The following ANXA11 variants were observed in gnomAD, a reference collection of about 807,000 sequenced individuals.
ANXA11 encodes annexin A11.
In ANXA11, 57 loss-of-function variants were observed where a neutral mutation model predicts 64.7. That is an observed-to-expected ratio of 0.88 (90% CI 0.71 to 1.10). The LOEUF (loss-of-function observed/expected upper bound fraction) is 1.10. Among genes scored for constraint, ANXA11 ranks in the 50% least tolerant of loss-of-function variants. ANXA11 has a pLI of 0.00. For missense variants in ANXA11, 675 were observed against 670.7 expected (o/e 1.01, Z -0.07); for synonymous variants, 260 against 265.2 (o/e 0.98, Z 0.19).
chr10:80,166,325 C>A (rs1845739641), intron 7 of ANXA11, 128 bp from the exon 8 acceptor site: 3 of 609,592 alleles, frequency 4.9e-6, no homozygotes, highest in Admixed American at 2.9e-5. Context: ...CCCCCAGGGG[C>A]CTGAGAGAAA....
chr10:80,174,171 C>T (rs1846082238), intron 2 of ANXA11, among the ~76,000 whole-genome samples: 1 of 152,212 alleles, frequency 6.6e-6, no homozygotes, highest in African/African-American at 2.4e-5. Context: ...CCTCCCGCCT[C>T]AGCCTCCTAA....
At chr10:80,178,489 C>T (rs1846249946) in intron 1 of ANXA11, among the ~76,000 whole-genome samples, 1 of 152,230 alleles carries the variant, frequency 6.6e-6, no homozygotes, top group Non-Finnish European at 1.5e-5. Flanking sequence ...ACCTTCTGGC[C>T]TCTGGTCCTG....
intron 3 of ANXA11, chr10:80,171,717 C>G: frequency 1.0e-6 from 1 of 985,504 alleles, no homozygotes; most frequent in Non-Finnish European, 1.2e-6. Flanking sequence ...GGCTCTTCAT[C>G]TCCAGGGCTC....
chr10:80,186,162 T>A lies in ANXA11; in HGVS notation c.-57-10007A>T, dbSNP rs551682376. ...ATCTGTAAAATGGGGATATTAACAG[T>A]TTAATACCAAGTTTGTTCCCATTAT... On this transcript the variant is annotated intron_variant, in intron 1 of 15. Transcript: ENST00000422982. Among the ~76,000 whole-genome samples the A allele has an allele frequency of 1.9e-3, 289 of 152,176 alleles. 1 individual carries two copies. Among genetic ancestry groups the A allele is most frequent in the African/African-American group, 6.6e-3 (275 of 41,498 alleles).
intron 13 of ANXA11, among the ~76,000 whole-genome samples, chr10:80,158,451 G>A (rs995943218): frequency 3.9e-5 from 6 of 152,148 alleles, no homozygotes; most frequent in African/African-American, 9.7e-5. Flanking sequence ...CCCAGGCCAT[G>A]AGACCTACTA....
chr10:80,174,228 A>G (rs914797955), intron 2 of ANXA11, among the ~76,000 whole-genome samples: 2 of 151,748 alleles, frequency 1.3e-5, no homozygotes, highest in African/African-American at 4.8e-5. Context: ...TGAGAGTCTT[A>G]CTATGTTGCC....
intron 2 of ANXA11, chr10:80,173,095 C>T: frequency 1.9e-6 from 1 of 517,884 alleles, no homozygotes; most frequent in Non-Finnish European, 3.4e-6. Context: ...AGGGCCACAC[C>T]CCCGGCCCCA....
At chr10:80,202,296 C>T (rs1840468261) in intron 1 of ANXA11, among the ~76,000 whole-genome samples, 1 of 152,098 alleles carries the variant, frequency 6.6e-6, no homozygotes, top group South Asian at 2.1e-4. Context: ...CCCACCCATT[C>T]CTTCCTCACA....
At chr10:80,171,253 A>C (rs2132421727) in intron 3 of ANXA11, 1 of 1,168,788 alleles carries the variant, frequency 8.6e-7, no homozygotes, top group East Asian at 6.2e-5. Context: ...ACAAGGACAG[A>C]CTGTTGTGGG....
At chr10:80,156,365 C>T (rs566659894) in intron 15 of ANXA11, 266 of 471,372 alleles carry the variant, frequency 5.6e-4, no homozygotes, top group Non-Finnish European at 9.2e-4. Flanking sequence ...CTGTCTGAGG[C>T]CACTACACTT....
intron 1 of ANXA11, among the ~76,000 whole-genome samples, chr10:80,200,735 GA>G (rs1840383902): frequency 6.6e-6 from 1 of 152,172 alleles, no homozygotes; most frequent in African/African-American, 2.4e-5. Flanking sequence ...TGGCCACAAA[GA>G]AAATTTAATA....
In ANXA11 at chr10:80,151,554, G is replaced by A. The variant is rs1845157561; in HGVS notation, c.*4299C>T. ...AAAGAGCCTACAGCAGAAATAAGGA[G>A]CCAGGTCCTAAGGTAGGGCTGTAAC... On this transcript the variant is annotated 3_prime_UTR_variant, in exon 16 of 16. Coordinates refer to ENST00000422982, the MANE Select transcript of ANXA11 (RefSeq NM_145868.2). 1 of 152,178 alleles carries A rather than the reference G, an allele frequency of 6.6e-6. No individual in the cohort carries two copies. The highest frequency in any genetic ancestry group is 1.5e-5 in the Non-Finnish European group (1 of 68,046). 9.4% of individuals were successfully genotyped at this position (152,178 alleles called of 1,614,324 possible). A position where few individuals can be genotyped will look rare whatever the true frequency, so the allele number is the denominator to read the frequency against.
chr10:80,166,878 C>T lies in ANXA11; in HGVS notation c.744+12G>A. Reference sequence around the variant, plus strand: ...ACGCCTCACTGTCCCGCGCCCCCACCCCGCAGCTCGCCTTGCCGTAAGCCG... The same window carrying T: ...ACGCCTCACTGTCCCGCGCCCCCACTCCGCAGCTCGCCTTGCCGTAAGCCG... On this transcript the variant is annotated intron_variant, in intron 7 of 15. Transcript: ENST00000422982. The T allele has an allele frequency of 6.9e-6, 11 of 1,596,114 alleles. No individual in the cohort carries two copies. The highest frequency in any genetic ancestry group is 8.5e-6 in the Non-Finnish European group (10 of 1,172,576).
At chr10:80,192,903 A>G (rs912815677) in intron 1 of ANXA11, among the ~76,000 whole-genome samples, 2 of 152,242 alleles carry the variant, frequency 1.3e-5, no homozygotes, top group Non-Finnish European at 2.9e-5. Flanking sequence ...TCTACCTCCC[A>G]TGCACTTTTC....
At chr10:80,173,970 T>G (rs1482749316) in intron 2 of ANXA11, among the ~76,000 whole-genome samples, 1 of 152,242 alleles carries the variant, frequency 6.6e-6, no homozygotes, top group Non-Finnish European at 1.5e-5. Flanking sequence ...TCCAGGGAAC[T>G]CACTTTGAAG....
At chr10:80,161,206 C>T (rs1389241616) in intron 12 of ANXA11, among the ~76,000 whole-genome samples, 2 of 152,224 alleles carry the variant, frequency 1.3e-5, no homozygotes, top group Non-Finnish European at 2.9e-5. Context: ...CCTCCCACTC[C>T]TCTTGCTCAC....
At position 80,170,868 on chromosome 10, in the gene ANXA11, G is replaced by A. The variant is rs147346614; in HGVS notation, c.103C>T (p.Pro35Ser). Reference protein sequence around the residue: ...GAAYPPPPSMPPIGLDNVATY... With the variant: ...GAAYPPPPSMSPIGLDNVATY... The stretch of plus-strand genomic sequence containing the variant: ...GCCACGTTATCCAGCCCGATGGGGG[G>A]CATGCTGGGCGGAGGAGGGTAGGCA... The change falls in exon 4 of 16, where the codon CCC (proline) becomes TCC (serine). Residue 35 changes from proline (P) to serine (S), a missense_variant. Coordinates refer to ENST00000422982, the MANE Select transcript of ANXA11 (RefSeq NM_145868.2). The A allele has an allele frequency of 9.0e-6, 14 of 1,551,138 alleles. No homozygotes were observed. The highest frequency in any genetic ancestry group is 1.4e-5 in the African/African-American group (1 of 72,254).
intron 1 of ANXA11, among the ~76,000 whole-genome samples, chr10:80,193,392 G>C (rs1846851821): frequency 6.6e-6 from 1 of 151,890 alleles, no homozygotes. Flanking sequence ...ATGTGTCAGG[G>C]GACTGCTGGC....
At position 80,151,816 on chromosome 10, in the gene ANXA11, A is replaced by G. The variant is rs748233309; in HGVS notation, c.*4037T>C. The G allele has an allele frequency of 6.6e-6, 1 of 152,172 alleles. No homozygotes were observed. 9.4% of individuals were successfully genotyped at this position (152,172 alleles called of 1,614,324 possible). A position where few individuals can be genotyped will look rare whatever the true frequency, so the allele number is the denominator to read the frequency against. On this transcript the variant is annotated 3_prime_UTR_variant, in exon 16 of 16. Coordinates refer to ENST00000422982, the MANE Select transcript of ANXA11 (RefSeq NM_145868.2). ...GTGTGAGCACAGTAGTATTTAGATA[A>G]GCGTTAGATTACAGCAGGTTACAGA...
Sources: allele counts gnomAD v4.1 joint callset (sites outside exome capture counted in the v4.1 genomes callset), GRCh38; gene constraint gnomAD v4.1.1; transcripts MANE v1.5; gene names NCBI Gene and HGNC (gene_info 2026-07-23, HGNC 2026-07-21).